NDST4: variants seen among roughly 807,000 people sequenced by gnomAD.
The protein encoded by NDST4 is N-deacetylase and N-sulfotransferase 4, also known as N-heparan sulfate sulfotransferase 4.
In NDST4, 63 loss-of-function variants were observed where a neutral mutation model predicts 100.8. That is an observed-to-expected ratio of 0.62 (90% confidence interval 0.51 to 0.77). NDST4 has a LOEUF of 0.77. NDST4 is among the 30% of genes least tolerant of loss of function. The pLI, the probability that NDST4 is intolerant of heterozygous loss-of-function variation, is 0.00. For synonymous variants in NDST4, 377 were observed against 361.8 expected (o/e 1.04, Z -0.48); for missense variants, 943 against 1,018.4 (o/e 0.93, Z 1.01).
intron 2 of NDST4, among the ~76,000 whole-genome samples, chr4:114,986,985 A>G (rs1320171641): frequency 6.6e-6 from 1 of 151,568 alleles, no homozygotes; most frequent in African/African-American, 2.4e-5. Context: ...CTTATAAGAT[A>G]ATCACAAAAA....
intron 1 of NDST4, among the ~76,000 whole-genome samples, chr4:115,091,209 G>A (rs1442780216): frequency 6.6e-6 from 1 of 151,892 alleles, no homozygotes; most frequent in East Asian, 1.9e-4. Context: ...TTTATTTTAA[G>A]TATATACAAT....
At chr4:114,896,940 G>C (rs893177571) in intron 6 of NDST4, among the ~76,000 whole-genome samples, 3 of 151,788 alleles carry the variant, frequency 2.0e-5, no homozygotes, top group Non-Finnish European at 2.9e-5. Context: ...ATCAATTTTC[G>C]GTTCAGAGCA....
At chr4:114,830,043 G>A in intron 12 of NDST4, 151 bp from the exon 13 acceptor site, 1 of 621,150 alleles carries the variant, frequency 1.6e-6, no homozygotes, top group South Asian at 2.0e-5. Flanking sequence ...ATTTGAGAGA[G>A]GCTAACTGAG....
chr4:115,113,318 T>C (rs1729992049), intron 1 of NDST4, 126 bp downstream of exon 1: 1 of 151,940 alleles, frequency 6.6e-6, no homozygotes, highest in African/African-American at 2.4e-5. Context: ...TTTTAAGATA[T>C]TATCTGCTTC....
chr4:115,052,959 C>T (rs375806184), intron 2 of NDST4, among the ~76,000 whole-genome samples: 9 of 152,172 alleles, frequency 5.9e-5, no homozygotes, highest in Admixed American at 1.3e-4. Context: ...ACGTAAACCA[C>T]GTTAAAGGGA....
intron 1 of NDST4, among the ~76,000 whole-genome samples, chr4:115,100,228 C>T (rs1729702344): frequency 6.6e-6 from 1 of 151,918 alleles, no homozygotes; most frequent in Non-Finnish European, 1.5e-5. Flanking sequence ...CTATTTAATA[C>T]TATGAAAATT....
rs183643524 is a variant in NDST4 at position 114,848,329 on chromosome 4, G to A, written c.1826C>T (p.Ala609Val). The A allele has an allele frequency of 1.5e-5, 24 of 1,585,420 alleles. No individual in the cohort carries two copies. The East Asian group carries it at 5.2e-4, about 34-fold the overall frequency. ...ATGCATAAGAAGAAATAAATAAAGT[G>A]CAGTTGTTCCTGTTACAAAAAAAGA... The part of the protein sequence containing the change: ...VIGPQKTGTT[A>V]LYLFLLMHPS... Residue 609 changes from alanine (A) to valine (V), a missense_variant, in exon 9 of 14, where the codon GCA becomes GTA. By Grantham distance (64) the Ala-to-Val change is moderately conservative. Transcript: ENST00000264363.
intron 4 of NDST4, among the ~76,000 whole-genome samples, chr4:114,960,072 TTAAC>T (rs1726227889): frequency 6.6e-6 from 1 of 152,066 alleles, no homozygotes; most frequent in Non-Finnish European, 1.5e-5. Flanking sequence ...AAACACAAAA[TTAAC>T]TATTCACTTC....
chr4:115,106,126 G>A (rs1729828854), intron 1 of NDST4, among the ~76,000 whole-genome samples: 1 of 152,000 alleles, frequency 6.6e-6, no homozygotes, highest in Non-Finnish European at 1.5e-5. Flanking sequence ...TGGGGGTAGG[G>A]CAAAAATATC....
chr4:114,903,887 T>C (rs1423017345), intron 6 of NDST4, among the ~76,000 whole-genome samples: 1 of 152,044 alleles, frequency 6.6e-6, no homozygotes, highest in Non-Finnish European at 1.5e-5. Flanking sequence ...TTGACATGCA[T>C]AGGAATTTTT....
At chr4:114,891,847 T>G (rs1233276784) in intron 6 of NDST4, among the ~76,000 whole-genome samples, 1 of 152,148 alleles carries the variant, frequency 6.6e-6, no homozygotes, top group African/African-American at 2.4e-5. Context: ...GTTGACTCTT[T>G]GATACAAAAG....
In NDST4 at chr4:115,076,344, C is replaced by A; in HGVS notation, c.693G>T (p.Gln231His). The change falls in exon 2 of 14, where the codon CAG (glutamine) becomes CAT (histidine). Residue 231 changes from glutamine to histidine, a missense_variant. This residue lies in a region of NDST4 where 417 missense variants were observed against 384.2 expected (regional missense o/e 1.09). Transcript: ENST00000264363. ...TCTGTAACTCAGTTAAAAGTACAGG[C>A]TGGTAGGTTGAATGATTATATTGGA... Reference protein sequence around the residue: ...TIFQYNHSTYQPVLLTELQTE... With the variant: ...TIFQYNHSTYHPVLLTELQTE... 1 of 1,613,956 alleles carries A rather than the reference C, an allele frequency of 6.2e-7. No individual in the cohort carries two copies. Among genetic ancestry groups the A allele is most frequent in the Non-Finnish European group, 8.5e-7 (1 of 1,179,946 alleles).
rs60019799 is a variant in NDST4 at position 115,033,131 on chromosome 4, G to GTA, written c.978+42926_978+42927dup. On this transcript the variant is annotated intron_variant, in intron 2 of 13. Transcript: ENST00000264363. Reference sequence around the variant, plus strand: ...GAATGCAAAAATTATATATATATGTGTATATATATATATATATATATATAT... The same window carrying GTA: ...GAATGCAAAAATTATATATATATGTGTATATATATATATATATATATATATAT... 4.2e-3 allele frequency among the ~76,000 whole-genome samples: 454 copies of GTA among 107,808 alleles called. 2 individuals carry two copies. Among genetic ancestry groups the GTA allele is most frequent in the South Asian group, 9.2e-3 (32 of 3,462 alleles). The allele number at this position is 107,808 out of a possible 152,430, so 70.7% of individuals were successfully genotyped here.
At chr4:115,032,531 C>T (rs1333113537) in intron 2 of NDST4, among the ~76,000 whole-genome samples, 3 of 152,066 alleles carry the variant, frequency 2.0e-5, no homozygotes, top group Non-Finnish European at 2.9e-5. Flanking sequence ...TAATGCCTGT[C>T]CCACATTTGA....
At chr4:115,093,338 G>A (rs62315319) in intron 1 of NDST4, among the ~76,000 whole-genome samples, 8,110 of 152,122 alleles carry the variant, frequency 0.053, 288 homozygotes, top group Admixed American at 0.1. Context: ...AGCTGGGCGT[G>A]GTGGCGGGTG....
intron 4 of NDST4, among the ~76,000 whole-genome samples, chr4:114,952,977 A>C (rs1254666299): frequency 6.6e-6 from 1 of 151,792 alleles, no homozygotes; most frequent in Non-Finnish European, 1.5e-5. Flanking sequence ...TGACCAAAAA[A>C]GGCTTTAAGA....
chr4:114,843,279 G>T (rs1004719996), intron 10 of NDST4, among the ~76,000 whole-genome samples: 42 of 152,138 alleles, frequency 2.8e-4, no homozygotes, highest in African/African-American at 9.7e-4. Flanking sequence ...CAGAATGCAG[G>T]CAGGGTTGCC....
intron 4 of NDST4, chr4:114,955,761 T>G (rs1726125568): frequency 6.6e-6 from 1 of 152,086 alleles, no homozygotes; most frequent in Non-Finnish European, 1.5e-5. Flanking sequence ...TTCAAGAAAA[T>G]CTACTACAAA....
chr4:115,034,319 T>A (rs1728187059), intron 2 of NDST4, among the ~76,000 whole-genome samples: 1 of 152,046 alleles, frequency 6.6e-6, no homozygotes, highest in Non-Finnish European at 1.5e-5. Flanking sequence ...CGTGTCCTCC[T>A]TCCTCCTTCC....
Sources: allele counts gnomAD v4.1 joint callset (sites outside exome capture counted in the v4.1 genomes callset), GRCh38; gene constraint gnomAD v4.1.1; regional missense constraint gnomAD v4.1.1; transcripts MANE v1.5; gene names NCBI Gene and HGNC (gene_info 2026-07-23, HGNC 2026-07-21).